Variants in HDAC4 observed in about 807,000 individuals in gnomAD.
The protein encoded by HDAC4 is histone deacetylase 4.
Under a neutral mutation model 135.1 loss-of-function variants are expected in HDAC4, and 16 were observed. The ratio of observed to expected loss-of-function variants is 0.12; its 90% confidence interval spans 0.08 to 0.18. HDAC4 has a LOEUF of 0.18. HDAC4 is among the 10% of genes least tolerant of loss of function. The pLI, the probability that HDAC4 is intolerant of heterozygous loss-of-function variation, is 1.00. For missense variants in HDAC4, 1,143 were observed against 1,511.8 expected (o/e 0.76, Z 4.05); for synonymous variants, 685 against 653.4 (o/e 1.05, Z -0.74).
chr2:239,169,497 C>T (rs1241214940), intron 5 of HDAC4, among the ~76,000 whole-genome samples: 1 of 152,264 alleles, frequency 6.6e-6, no homozygotes, highest in Admixed American at 6.5e-5. Context: ...AGGGTGGGCC[C>T]CGCCCAGCAG....
intron 6 of HDAC4, chr2:239,161,797 G>T: frequency 2.4e-6 from 1 of 425,344 alleles, no homozygotes. Flanking sequence ...AGTCCTCCCA[G>T]CCCCAGCCAC....
intron 5 of HDAC4, among the ~76,000 whole-genome samples, chr2:239,164,722 G>A (rs1360004481): frequency 6.6e-6 from 1 of 152,228 alleles, no homozygotes; most frequent in Non-Finnish European, 1.5e-5. Context: ...AACACACCTT[G>A]AGGTGAGTGA....
chr2:239,307,974 A>AT lies in HDAC4; in HGVS notation c.22+44703dup, dbSNP rs1559351403. On this transcript the variant is annotated intron_variant, in intron 2 of 26. Transcript: ENST00000543185. This position sits in a 1 kb window ranked among gnomAD's most constrained non-coding sequence, Gnocchi z 4.8. The stretch of plus-strand genomic sequence containing the variant: ...CAGCAACAGCCAGCAAAGTGTCCCC[A>AT]TCCCCCCCAAAGTGAGCGGCCACAC... Among the ~76,000 whole-genome samples, 1 of 152,102 alleles carries AT rather than the reference A, an allele frequency of 6.6e-6. No homozygotes were observed. Among genetic ancestry groups the AT allele is most frequent in the African/African-American group, 2.4e-5 (1 of 41,434 alleles).
rs533051883 is a variant in HDAC4 at position 239,146,736 on chromosome 2, C to T, written c.734-2022G>A. The stretch of plus-strand genomic sequence containing the variant: ...TCCCCTTCCCTCCTCTCCCCTTCCA[C>T]AGGCCTCTGCTCCACGCCCCTCCCA... On this transcript the variant is annotated intron_variant, in intron 7 of 26. Coordinates refer to ENST00000543185, the MANE Select transcript of HDAC4 (RefSeq NM_001378414.1). This position sits in a 1 kb window ranked among gnomAD's most constrained non-coding sequence, Gnocchi z 4.5. Among the ~76,000 whole-genome samples the T allele has an allele frequency of 2.0e-5, 3 of 151,466 alleles. No individual in the cohort carries two copies. The highest frequency in any genetic ancestry group is 4.8e-5 in the African/African-American group (2 of 41,254).
At chr2:239,381,193 C>T (rs1246235724) in intron 1 of HDAC4, among the ~76,000 whole-genome samples, 2 of 152,234 alleles carry the variant, frequency 1.3e-5, no homozygotes, top group East Asian at 3.8e-4. Context: ...AATGAAAACA[C>T]GCAGTGAGCT....
At chr2:239,333,386 T>G (rs1691715218) in intron 2 of HDAC4, among the ~76,000 whole-genome samples, 1 of 152,152 alleles carries the variant, frequency 6.6e-6, no homozygotes, top group Non-Finnish European at 1.5e-5. Context: ...ATCCTAGGAA[T>G]AGAAGAAGAA....
intron 16 of HDAC4, 142 bp from the exon 17 acceptor site, chr2:239,095,198 CCT>C: frequency 1.2e-6 from 1 of 847,006 alleles, no homozygotes; most frequent in Non-Finnish European, 2.0e-6. Flanking sequence ...CTTGTGACAC[CCT>C]GTGGCCCTGC....
chr2:239,170,167 CAGAG>C (rs1173405180), intron 5 of HDAC4, among the ~76,000 whole-genome samples: 2 of 152,172 alleles, frequency 1.3e-5, no homozygotes, highest in Non-Finnish European at 2.9e-5. Context: ...ACTAAAAACT[CAGAG>C]AGTGCATTAG....
In HDAC4 at chr2:239,068,395, A is replaced by G; in HGVS notation, c.2869+94T>C. Reference sequence around the variant, plus strand: ...CATTAGTAAAAAGGTGCCCTTCCTTATCTCGTTATTAAAAAGGGGACCTGA... The same window carrying G: ...CATTAGTAAAAAGGTGCCCTTCCTTGTCTCGTTATTAAAAAGGGGACCTGA... On this transcript the variant is annotated intron_variant, in intron 23 of 26. Transcript: ENST00000543185. This position sits in a 1 kb window ranked among gnomAD's most constrained non-coding sequence, Gnocchi z 4.4. 1 of 916,068 alleles carries G rather than the reference A, an allele frequency of 1.1e-6. No individual in the cohort carries two copies. The highest frequency in any genetic ancestry group is 1.8e-6 in the Non-Finnish European group (1 of 552,618). The allele number at this position is 916,068 out of a possible 1,614,324, so 56.7% of individuals were successfully genotyped here. A position where few individuals can be genotyped will look rare whatever the true frequency, so the allele number is the denominator to read the frequency against.
rs1203244182 is a variant in HDAC4 at position 239,073,251 on chromosome 2, T to C, written c.2751-4644A>G. Among the ~76,000 whole-genome samples, 5 of 152,324 alleles carry C rather than the reference T, an allele frequency of 3.3e-5. No homozygotes were observed. The East Asian group carries it at 5.8e-4, about 18-fold the overall frequency. On this transcript the variant is annotated intron_variant, in intron 22 of 26. Transcript: ENST00000543185. ...TTCTGAAGAGAGCCAGTCCACACAA[T>C]TTCCCCTAGACCTGCCTCTGCGGCA...
chr2:239,179,903 T>C (rs1162659257), intron 4 of HDAC4, among the ~76,000 whole-genome samples: 1 of 152,206 alleles, frequency 6.6e-6, no homozygotes, highest in Non-Finnish European at 1.5e-5. Context: ...AACCTGCACA[T>C]CAACGTGCTT....
chr2:239,160,268 C>T (rs2042708517), intron 6 of HDAC4, among the ~76,000 whole-genome samples: 1 of 152,166 alleles, frequency 6.6e-6, no homozygotes, highest in Non-Finnish European at 1.5e-5. Context: ...TAATAAGACA[C>T]CGTAGGTCCT....
chr2:239,268,601 C>G (rs988566610), intron 2 of HDAC4, among the ~76,000 whole-genome samples: 2 of 152,244 alleles, frequency 1.3e-5, no homozygotes, highest in African/African-American at 4.8e-5. Flanking sequence ...ACAGAAGAAC[C>G]TGCCCTGTGA....
At chr2:239,219,620 AT>A (rs756491815) in intron 3 of HDAC4, among the ~76,000 whole-genome samples, 66 of 152,038 alleles carry the variant, frequency 4.3e-4, no homozygotes, top group Non-Finnish European at 8.4e-4. Context: ...AAGTATAATA[AT>A]AATAAAATAA....
rs1481876302 is a variant in HDAC4, at chr2:239,331,422, T to C, written c.22+21256A>G. ...ACCTCATAAAATATCTGAATAAAAG[T>C]GCTATAAGAGCTGCTCAAGGCTGCA... On this transcript the variant is annotated intron_variant, in intron 2 of 26. Coordinates refer to ENST00000543185, the MANE Select transcript of HDAC4 (RefSeq NM_001378414.1). The surrounding 1 kb of genome is among the most constrained non-coding windows in gnomAD (Gnocchi z 4.5). Among the ~76,000 whole-genome samples the C allele has an allele frequency of 6.6e-6, 1 of 152,110 alleles. No individual in the cohort carries two copies. The highest frequency in any genetic ancestry group is 1.5e-5 in the Non-Finnish European group (1 of 68,022).
At chr2:239,060,939 G>A (rs1427915650) in intron 24 of HDAC4, among the ~76,000 whole-genome samples, 2 of 152,234 alleles carry the variant, frequency 1.3e-5, no homozygotes, top group South Asian at 2.1e-4. Context: ...GGACGGCCCC[G>A]CTGTGTGTGG....
At chr2:239,182,968 C>T (rs1384362767) in intron 4 of HDAC4, among the ~76,000 whole-genome samples, 1 of 152,188 alleles carries the variant, frequency 6.6e-6, no homozygotes, top group Non-Finnish European at 1.5e-5. Flanking sequence ...CTTTGAGATG[C>T]GCTTATTTTT....
intron 2 of HDAC4, among the ~76,000 whole-genome samples, chr2:239,321,281 C>T (rs922105126): frequency 3.9e-5 from 6 of 151,910 alleles, no homozygotes; most frequent in South Asian, 2.1e-4. Flanking sequence ...CTGGCTCACA[C>T]GGTGAAACCC....
At chr2:239,231,310 C>T (rs950826768) in intron 3 of HDAC4, among the ~76,000 whole-genome samples, 3 of 152,158 alleles carry the variant, frequency 2.0e-5, no homozygotes, top group Non-Finnish European at 4.4e-5. Flanking sequence ...CCCTTTTGGC[C>T]GATGGAAGGG....
Sources: allele counts gnomAD v4.1 joint callset (sites outside exome capture counted in the v4.1 genomes callset), GRCh38; gene constraint gnomAD v4.1.1; non-coding constraint Gnocchi (gnomAD v3.1); transcripts MANE v1.5; gene names NCBI Gene and HGNC (gene_info 2026-07-23, HGNC 2026-07-21).